CPQ: variants seen among roughly 807,000 people sequenced by gnomAD.
CPQ encodes carboxypeptidase Q.
A neutral mutation model predicts 45.7 loss-of-function variants in CPQ; 37 were observed. The ratio of observed to expected loss-of-function variants is 0.81; its 90% confidence interval spans 0.62 to 1.07. The LOEUF is 1.07. Among genes scored for constraint, CPQ ranks in the 50% least tolerant of loss-of-function variants. CPQ has a pLI of 0.00. For missense variants in CPQ, 537 were observed against 572.9 expected (o/e 0.94, Z 0.64); for synonymous variants, 186 against 205.8 (o/e 0.90, Z 0.82).
intron 3 of CPQ, among the ~76,000 whole-genome samples, chr8:96,869,511 T>C (rs1355483423): frequency 6.6e-6 from 1 of 152,104 alleles, no homozygotes; most frequent in Admixed American, 6.6e-5. Context: ...GATTCTTTCA[T>C]GACATCTACA....
At position 96,716,903 on chromosome 8, in the gene CPQ, C is replaced by T. The variant is rs538741431; in HGVS notation, c.-34-67961C>T. 9.3e-5 allele frequency among the ~76,000 whole-genome samples: 14 copies of T among 150,806 alleles called. No individual in the cohort carries two copies. In the South Asian group the frequency reaches 1.3e-3, roughly 14 times the overall value. ...GCCTGGGCAAAAAAGAGCAAAACTC[C>T]GTCACACACACACACATACACACAC... On this transcript the variant is annotated intron_variant, in intron 1 of 7. Coordinates refer to ENST00000220763, the MANE Select transcript of CPQ (RefSeq NM_016134.4).
intron 2 of CPQ, among the ~76,000 whole-genome samples, chr8:96,808,059 A>G (rs1811108759): frequency 6.6e-6 from 1 of 152,190 alleles, no homozygotes; most frequent in African/African-American, 2.4e-5. Context: ...CCCTCTACTG[A>G]GATCATGACT....
At chr8:96,665,755 T>A (rs543579611) in intron 1 of CPQ, among the ~76,000 whole-genome samples, 1 of 152,338 alleles carries the variant, frequency 6.6e-6, no homozygotes, top group East Asian at 1.9e-4. Context: ...TAGCTTGTCT[T>A]GCTTGTTTTC....
chr8:96,737,241 ACACACACACACAC>A (rs1809994812), intron 1 of CPQ, among the ~76,000 whole-genome samples: 1 of 143,344 alleles, frequency 7.0e-6, no homozygotes, highest in African/African-American at 2.7e-5. Flanking sequence ...ACACACACAC[ACACACACACACAC>A]AAAAAAAAAC....
intron 1 of CPQ, among the ~76,000 whole-genome samples, chr8:96,784,607 T>C (rs1810735528): frequency 6.6e-6 from 1 of 152,174 alleles, no homozygotes; most frequent in Admixed American, 6.6e-5. Flanking sequence ...CCTTCCCAGC[T>C]CTTTTCTTGA....
At chr8:96,732,310 T>A (rs1809922548) in intron 1 of CPQ, 1 of 152,220 alleles carries the variant, frequency 6.6e-6, no homozygotes, top group Admixed American at 6.5e-5. Flanking sequence ...CATTTTAGTT[T>A]CCTCAGCATT....
intron 1 of CPQ, among the ~76,000 whole-genome samples, chr8:96,726,536 C>A (rs553359398): frequency 6.6e-6 from 1 of 152,128 alleles, no homozygotes; most frequent in South Asian, 2.1e-4. Flanking sequence ...TCTTACATGG[C>A]AGGAACAGGA....
At chr8:96,734,586 A>T (rs1274155043) in intron 1 of CPQ, among the ~76,000 whole-genome samples, 1 of 151,800 alleles carries the variant, frequency 6.6e-6, no homozygotes, top group Non-Finnish European at 1.5e-5. Context: ...TGGCAGGCGC[A>T]TGGAGTCCCA....
intron 5 of CPQ, among the ~76,000 whole-genome samples, chr8:96,981,846 A>G (rs1813903904): frequency 6.6e-6 from 1 of 152,216 alleles, no homozygotes; most frequent in Non-Finnish European, 1.5e-5. Flanking sequence ...GTTACTTACC[A>G]TGATCTTTTT....
intron 2 of CPQ, among the ~76,000 whole-genome samples, chr8:96,788,948 A>G (rs2130812663): frequency 6.6e-6 from 1 of 152,202 alleles, no homozygotes; most frequent in Admixed American, 6.5e-5. Flanking sequence ...TTTAGTTACT[A>G]TACATTTAAA....
At chr8:97,134,786 T>C (rs1812020886) in intron 7 of CPQ, among the ~76,000 whole-genome samples, 1 of 152,200 alleles carries the variant, frequency 6.6e-6, no homozygotes, top group South Asian at 2.1e-4. Context: ...TCAGACAAGT[T>C]ACTAAAATCT....
intron 1 of CPQ, among the ~76,000 whole-genome samples, chr8:96,690,391 T>A (rs2464477): frequency 0.74 from 112,122 of 152,020 alleles, 41,761 homozygotes; most frequent in Middle Eastern, 0.83. Flanking sequence ...GTATTTTTTT[T>A]AATTTAGCTT....
intron 7 of CPQ, among the ~76,000 whole-genome samples, chr8:97,083,623 G>T (rs1810994151): frequency 6.6e-6 from 1 of 152,136 alleles, no homozygotes; most frequent in South Asian, 2.1e-4. Flanking sequence ...GGATTTTGAG[G>T]TCTCTTTATA....
intron 2 of CPQ, among the ~76,000 whole-genome samples, chr8:96,830,015 CAGAA>C (rs1187076667): frequency 3.3e-5 from 5 of 152,134 alleles, no homozygotes; most frequent in Non-Finnish European, 7.3e-5. Context: ...AATGGACACT[CAGAA>C]AGAACTGTTG....
intron 4 of CPQ, among the ~76,000 whole-genome samples, chr8:96,880,553 A>G (rs1296412974): frequency 2.7e-5 from 2 of 73,368 alleles, no homozygotes; most frequent in African/African-American, 1.2e-4. Flanking sequence ...ATATATATAT[A>G]TATATATATA....
chr8:96,895,329 A>G (rs938705826), intron 4 of CPQ, among the ~76,000 whole-genome samples: 1 of 152,130 alleles, frequency 6.6e-6, no homozygotes, highest in African/African-American at 2.4e-5. Flanking sequence ...CTTTCACTCT[A>G]TTTTCTTCTA....
chr8:97,092,221 C>T (rs1811138672), intron 7 of CPQ: 1 of 152,138 alleles, frequency 6.6e-6, no homozygotes, highest in Non-Finnish European at 1.5e-5. Flanking sequence ...TTAACACCCA[C>T]TACCTTTGAA....
At chr8:96,885,007 C>T (rs960137072) in intron 4 of CPQ, among the ~76,000 whole-genome samples, 3 of 152,082 alleles carry the variant, frequency 2.0e-5, no homozygotes, top group Non-Finnish European at 2.9e-5. Flanking sequence ...TGAAAGTAGG[C>T]AGAGGGGAGG....
intron 7 of CPQ, 88 bp from the exon 8 acceptor site, chr8:97,142,932 G>A (rs994720255): frequency 1.6e-6 from 2 of 1,289,970 alleles, no homozygotes; most frequent in Non-Finnish European, 2.2e-6. Context: ...TGTATAATAG[G>A]AGCAGGCAAA....
Sources: gnomAD v4.1 joint callset for allele counts (sites outside exome capture counted in the v4.1 genomes callset) on GRCh38, gnomAD v4.1.1 for gene constraint, MANE v1.5 for transcripts, NCBI Gene and HGNC (gene_info 2026-07-23, HGNC 2026-07-21) for gene names.